The following MGMT variants were observed in gnomAD, a reference collection of about 807,000 sequenced individuals.
MGMT encodes methylated-DNA--protein-cysteine methyltransferase.
A neutral mutation model predicts 15.9 loss-of-function variants in MGMT; 14 were observed. That is an observed-to-expected ratio of 0.88 (90% CI 0.58 to 1.37). The LOEUF (loss-of-function observed/expected upper bound fraction) is 1.37. MGMT is among the 40% of genes most tolerant of loss of function. MGMT has a pLI of 0.00. For synonymous variants in MGMT, 130 were observed against 118.2 expected, an observed-to-expected ratio of 1.10 and a Z score of -0.65; for missense variants, 282 against 268.1, an observed-to-expected ratio of 1.05 and a Z score of -0.36.
At chr10:129,504,980 G>A (rs1189315446) in intron 1 of MGMT, among the ~76,000 whole-genome samples, 4 of 152,124 alleles carry the variant, frequency 2.6e-5, no homozygotes, top group South Asian at 4.1e-4. Flanking sequence ...TGACTTGTAG[G>A]ATATCTAACA....
At chr10:129,492,957 C>A (rs1054066759) in intron 1 of MGMT, among the ~76,000 whole-genome samples, 7 of 152,164 alleles carry the variant, frequency 4.6e-5, no homozygotes, top group Non-Finnish European at 8.8e-5. Flanking sequence ...TTCCTTTGCC[C>A]ACACATTTCA....
intron 1 of MGMT, among the ~76,000 whole-genome samples, chr10:129,525,597 CA>C (rs1448060333): frequency 6.6e-6 from 1 of 152,100 alleles, no homozygotes; most frequent in African/African-American, 2.4e-5. Context: ...ACAACCAAAG[CA>C]TCATTAATCA....
intron 2 of MGMT, among the ~76,000 whole-genome samples, chr10:129,698,375 G>T (rs1177349527): frequency 6.6e-6 from 1 of 152,232 alleles, no homozygotes; most frequent in East Asian, 1.9e-4. Flanking sequence ...CTGGGGAAGA[G>T]AACTGTTTAA....
At chr10:129,615,350 C>T (rs1336943886) in intron 2 of MGMT, among the ~76,000 whole-genome samples, 2 of 152,174 alleles carry the variant, frequency 1.3e-5, no homozygotes, top group African/African-American at 2.4e-5. Flanking sequence ...CCCAGGACCA[C>T]GGCCTCGTTC....
rs146345492 is a variant in MGMT at position 129,478,855 on chromosome 10, G to A, written c.-13+11559G>A. On this transcript the variant is annotated intron_variant, in intron 1 of 4. Coordinates refer to ENST00000651593, the MANE Select transcript of MGMT (RefSeq NM_002412.5). ...TTTGAAGTGTGGATTTCAGTTCTTC[G>A]TTATCTTTTATTTATTTATTTACTT... Among the ~76,000 whole-genome samples, 68 of 150,530 alleles carry A rather than the reference G, an allele frequency of 4.5e-4. 1 individual carries two copies. In the East Asian group the frequency reaches 5.8e-3, roughly 13 times the overall value.
rs1846353761 is a variant in MGMT at position 129,566,303 on chromosome 10, TCTGA to T, written c.125+29930_125+29933del. Reference sequence around the variant, plus strand: ...GCCTTGGGCAGAGGTGAGGCAGAGCTCTGACTGTTTCATTCGACTACGTTGCCAA... The same window carrying T: ...GCCTTGGGCAGAGGTGAGGCAGAGCTCTGTTTCATTCGACTACGTTGCCAA... On this transcript the variant is annotated intron_variant, in intron 2 of 4. Transcript: ENST00000651593. The surrounding 1 kb of genome is among the most constrained non-coding windows in gnomAD (Gnocchi z 4.1). 6.6e-6 allele frequency among the ~76,000 whole-genome samples: 1 copy of T among 152,176 alleles called. No homozygotes were observed. Among genetic ancestry groups the T allele is most frequent in the South Asian group, 2.1e-4 (1 of 4,828 alleles).
At chr10:129,705,089 C>G (rs931109727) in intron 2 of MGMT, among the ~76,000 whole-genome samples, 2 of 152,222 alleles carry the variant, frequency 1.3e-5, no homozygotes, top group Non-Finnish European at 2.9e-5. Flanking sequence ...CTCCCTGCCG[C>G]CCCGTGGGCT....
At chr10:129,638,997 C>T (rs1427496192) in intron 2 of MGMT, among the ~76,000 whole-genome samples, 2 of 151,832 alleles carry the variant, frequency 1.3e-5, no homozygotes, top group Non-Finnish European at 2.9e-5. Context: ...AATAACAAAA[C>T]AAGTAAAATA....
chr10:129,528,926 A>G (rs928825672), intron 1 of MGMT, among the ~76,000 whole-genome samples: 5 of 152,214 alleles, frequency 3.3e-5, no homozygotes, highest in Admixed American at 3.3e-4. Context: ...TGGAGCTTAC[A>G]TTCTAGTGAA....
At chr10:129,751,897 A>T (rs559430922) in intron 3 of MGMT, among the ~76,000 whole-genome samples, 2 of 151,982 alleles carry the variant, frequency 1.3e-5, no homozygotes, top group Non-Finnish European at 2.9e-5. Flanking sequence ...GTCATTTTGC[A>T]TGTGTTAAGG....
intron 2 of MGMT, among the ~76,000 whole-genome samples, chr10:129,558,077 G>A (rs1007988487): frequency 1.4e-4 from 21 of 152,156 alleles, no homozygotes; most frequent in Non-Finnish European, 2.5e-4. Flanking sequence ...ATCATCCCAC[G>A]TGTGCGTGAA....
chr10:129,492,280 TC>T (rs1438381945), intron 1 of MGMT, among the ~76,000 whole-genome samples: 1 of 152,172 alleles, frequency 6.6e-6, no homozygotes, highest in Non-Finnish European at 1.5e-5. Flanking sequence ...CTTTGGGAGA[TC>T]CCTTGGTTCT....
At chr10:129,746,915 G>T (rs758710457) in intron 3 of MGMT, among the ~76,000 whole-genome samples, 2 of 152,008 alleles carry the variant, frequency 1.3e-5, no homozygotes, top group Non-Finnish European at 2.9e-5. Flanking sequence ...AAACCTATAG[G>T]TCAGTTTGTT....
At chr10:129,690,161 A>T (rs1847953713) in intron 2 of MGMT, among the ~76,000 whole-genome samples, 1 of 152,236 alleles carries the variant, frequency 6.6e-6, no homozygotes, top group Non-Finnish European at 1.5e-5. Context: ...AGTCTAAAAC[A>T]TCGGTAGTTT....
intron 2 of MGMT, among the ~76,000 whole-genome samples, chr10:129,598,955 C>T (rs1846785339): frequency 6.6e-6 from 1 of 152,186 alleles, no homozygotes; most frequent in Admixed American, 6.5e-5. Context: ...CCAGCCCTTC[C>T]CTTTTTTATG....
intron 2 of MGMT, among the ~76,000 whole-genome samples, chr10:129,595,929 A>G (rs1846746032): frequency 6.6e-6 from 1 of 152,182 alleles, no homozygotes; most frequent in African/African-American, 2.4e-5. Flanking sequence ...GAGATTATAC[A>G]GGGACTGGGT....
chr10:129,556,394 G>A lies in MGMT; in HGVS notation c.125+20017G>A, dbSNP rs545201319. Among the ~76,000 whole-genome samples the A allele has an allele frequency of 3.9e-5, 6 of 152,246 alleles. No individual in the cohort carries two copies. The East Asian group carries it at 7.7e-4, about 20-fold the overall frequency. On this transcript the variant is annotated intron_variant, in intron 2 of 4. Coordinates refer to ENST00000651593, the MANE Select transcript of MGMT (RefSeq NM_002412.5). The surrounding 1 kb of genome is among the most constrained non-coding windows in gnomAD (Gnocchi z 4.3). Reference sequence around the variant, plus strand: ...GAGGTTGTGGCACAGACACACGGAGGGATGGCCACGTGAGGACCCTGGGAG... The same window carrying A: ...GAGGTTGTGGCACAGACACACGGAGAGATGGCCACGTGAGGACCCTGGGAG...
At chr10:129,489,891 T>TCTTTC (rs10640195) in intron 1 of MGMT, among the ~76,000 whole-genome samples, 151,676 of 152,176 alleles carry the variant, frequency 1, 75,591 homozygotes, top group Middle Eastern at 1. Flanking sequence ...GAGTTTTGCT[T>TCTTTC]CTTCTACTCT....
chr10:129,507,656 G>C (rs912957693), intron 1 of MGMT, among the ~76,000 whole-genome samples: 1 of 152,186 alleles, frequency 6.6e-6, no homozygotes, highest in Admixed American at 6.5e-5. Context: ...TGAGCTGTGG[G>C]AAGCAGGCTT....
Sources: gnomAD v4.1 joint callset for allele counts (sites outside exome capture counted in the v4.1 genomes callset) on GRCh38, gnomAD v4.1.1 for gene constraint, Gnocchi (gnomAD v3.1) non-coding constraint, MANE v1.5 for transcripts, NCBI Gene and HGNC (gene_info 2026-07-23, HGNC 2026-07-21) for gene names.